ADARB2: variants seen among roughly 807,000 people sequenced by gnomAD.
ADARB2 encodes the protein adenosine deaminase RNA specific B2 (inactive).
A neutral mutation model predicts 62.2 loss-of-function variants in ADARB2; 25 were observed. The observed-to-expected ratio is 0.40, with a 90% confidence interval of 0.29 to 0.56. The LOEUF is 0.56. ADARB2 is among the 20% of genes least tolerant of loss of function. The pLI, the probability that ADARB2 is intolerant of heterozygous loss-of-function variation, is 0.43. For missense variants in ADARB2, 1,071 were observed against 1,077.4 expected, an observed-to-expected ratio of 0.99 and a Z score of 0.08; for synonymous variants, 572 against 500.8, an observed-to-expected ratio of 1.14 and a Z score of -1.90.
At chr10:1,436,782 C>T (rs1830839243) in intron 1 of ADARB2, among the ~76,000 whole-genome samples, 2 of 152,152 alleles carry the variant, frequency 1.3e-5, no homozygotes, top group Admixed American at 6.5e-5. Flanking sequence ...TCAGCTGCTC[C>T]TTGTAACCCT....
chr10:1,662,506 C>T (rs961983668), intron 1 of ADARB2, among the ~76,000 whole-genome samples: 2 of 152,148 alleles, frequency 1.3e-5, no homozygotes, highest in Non-Finnish European at 2.9e-5. Context: ...CCACGTGGGC[C>T]CAGACTTCTG....
At chr10:1,288,944 A>G (rs1351540261) in intron 3 of ADARB2, among the ~76,000 whole-genome samples, 2 of 152,206 alleles carry the variant, frequency 1.3e-5, no homozygotes, top group African/African-American at 2.4e-5. Context: ...TCCAGAGTTA[A>G]CCTGAAAAAC....
chr10:1,200,352 C>G (rs764355338), intron 7 of ADARB2: 2 of 661,252 alleles, frequency 3.0e-6, no homozygotes, highest in South Asian at 1.7e-5. Flanking sequence ...GCTCCACAGG[C>G]CCATGTGTGC....
At chr10:1,220,249 G>GTGGTGGTGA (rs1830679819) in intron 6 of ADARB2, among the ~76,000 whole-genome samples, 1 of 139,332 alleles carries the variant, frequency 7.2e-6, no homozygotes, top group Admixed American at 7.4e-5. Flanking sequence ...GATAATGGTG[G>GTGGTGGTGA]TGGTGGTGAT....
At position 1,177,571 on chromosome 10, in the gene ADARB2, G is replaced by A. The variant is rs1041969838; in HGVS notation, c.*5622C>T. On this transcript the variant is annotated 3_prime_UTR_variant, in exon 10 of 10. Transcript: ENST00000381312. ...TGCTTACAAAATGCTGAAAACTAAC[G>A]GGGCACACTGGGAGAGATTTTTTTT... The A allele has an allele frequency of 1.4e-5, 2 of 144,850 alleles. No homozygotes were observed. Among genetic ancestry groups the A allele is most frequent in the Non-Finnish European group, 3.0e-5 (2 of 66,546 alleles). The allele number at this position is 144,850 out of a possible 1,614,324, so 9.0% of individuals were successfully genotyped here.
At chr10:1,439,490 T>C (rs1830876366) in intron 1 of ADARB2, among the ~76,000 whole-genome samples, 1 of 140,140 alleles carries the variant, frequency 7.1e-6, no homozygotes, top group African/African-American at 2.7e-5. Flanking sequence ...ACGGGGCTTC[T>C]GAGTCTCTCC....
chr10:1,304,067 G>T (rs1289038591), intron 3 of ADARB2, among the ~76,000 whole-genome samples: 1 of 150,806 alleles, frequency 6.6e-6, no homozygotes. Flanking sequence ...CCAATTAAAA[G>T]ACACAGACTG....
intron 1 of ADARB2, among the ~76,000 whole-genome samples, chr10:1,392,331 A>T (rs1832577524): frequency 6.6e-6 from 1 of 152,178 alleles, no homozygotes; most frequent in Admixed American, 6.5e-5. Flanking sequence ...ACAATACTTC[A>T]GCCTCTGTTA....
chr10:1,594,777 CA>C (rs1833308303), intron 1 of ADARB2, among the ~76,000 whole-genome samples: 1 of 152,248 alleles, frequency 6.6e-6, no homozygotes, highest in East Asian at 1.9e-4. Flanking sequence ...CAGCCAGTGG[CA>C]TGATATCAGG....
rs914793139 is a variant in ADARB2, at chr10:1,675,888, C to T, written c.100+61163G>A. 11 of 760,192 alleles carry T rather than the reference C, an allele frequency of 1.4e-5. No homozygotes were observed. In the African/African-American group the frequency reaches 1.9e-4, roughly 13 times the overall value. The allele number at this position is 760,192 out of a possible 1,614,324, so 47.1% of individuals were successfully genotyped here. On this transcript the variant is annotated intron_variant, in intron 1 of 9. Coordinates refer to ENST00000381312, the MANE Select transcript of ADARB2 (RefSeq NM_018702.4). ...AGAGGCCAGCCTCAGCTCTGAGTGG[C>T]AGCTCAGAGGAAGGGGCTGCAGAGG...
rs530149883 is a variant in ADARB2 at position 1,603,525 on chromosome 10, G to C, written c.100+133526C>G. 2.6e-4 allele frequency among the ~76,000 whole-genome samples: 39 copies of C among 152,140 alleles called. No individual in the cohort carries two copies. The South Asian group carries it at 7.9e-3, about 31-fold the overall frequency. On this transcript the variant is annotated intron_variant, in intron 1 of 9. Transcript: ENST00000381312. ...CGTCTGAAATCACCCTGATTAGAAC[G>C]ATTTCCTTGGCCGAAGGAAGGCCTG...
intron 1 of ADARB2, among the ~76,000 whole-genome samples, chr10:1,641,421 A>T (rs1833976589): frequency 6.6e-6 from 1 of 152,264 alleles, no homozygotes. Flanking sequence ...AGGTCTAAAA[A>T]CCACATAGGC....
chr10:1,319,836 C>T (rs1232342419), intron 3 of ADARB2, among the ~76,000 whole-genome samples: 4 of 152,140 alleles, frequency 2.6e-5, no homozygotes, highest in Non-Finnish European at 4.4e-5. Context: ...GTTAGAGAGT[C>T]GCCATGTTGT....
At chr10:1,607,661 T>C (rs1180192704) in intron 1 of ADARB2, among the ~76,000 whole-genome samples, 1 of 152,106 alleles carries the variant, frequency 6.6e-6, no homozygotes, top group Non-Finnish European at 1.5e-5. Flanking sequence ...GCTGACACGA[T>C]GGGAACCCTA....
intron 4 of ADARB2, among the ~76,000 whole-genome samples, chr10:1,259,612 T>C (rs1831114484): frequency 6.6e-6 from 1 of 152,314 alleles, no homozygotes; most frequent in African/African-American, 2.4e-5. Context: ...AGAAGTTGAA[T>C]CTCTGAATAG....
intron 1 of ADARB2, among the ~76,000 whole-genome samples, chr10:1,677,776 C>A (rs1051804831): frequency 1.3e-5 from 2 of 152,228 alleles, no homozygotes; most frequent in Non-Finnish European, 2.9e-5. Flanking sequence ...TCGCAACACA[C>A]ACAGGCTGAA....
rs772067169 is a variant in ADARB2 at position 1,233,803 on chromosome 10, T to G, written c.1404A>C (p.Leu468Phe). 5.0e-6 allele frequency: 8 copies of G among 1,613,894 alleles called. No homozygotes were observed. In the Admixed American group the frequency reaches 1.2e-4, roughly 24 times the overall value. The change falls in exon 6 of 10, where the codon TTA (leucine) becomes TTC (phenylalanine). Residue 468 changes from leucine (L) to phenylalanine (F), a missense_variant. Transcript: ENST00000381312. ...EDSERSIFVR[L>F]KEGGYRLREN... is the part of the protein sequence containing the mutation. ...CTCGCAGCCGGTAGCCACCTTCTTT[T>G]AACCGCACGAATATCGATCGCTCTG...
intron 1 of ADARB2, among the ~76,000 whole-genome samples, chr10:1,590,568 C>A (rs1200706930): frequency 6.6e-6 from 1 of 152,204 alleles, no homozygotes; most frequent in African/African-American, 2.4e-5. Flanking sequence ...CATCGTGGTT[C>A]CCCTCTGGCC....
At chr10:1,633,549 C>CATATATCTATCTATCT (rs113694941) in intron 1 of ADARB2, among the ~76,000 whole-genome samples, 13 of 101,610 alleles carry the variant, frequency 1.3e-4, no homozygotes, top group South Asian at 3.5e-4. Flanking sequence ...GTCTATCTAT[C>CATATATCTATCTATCT]ATCTATCTAT....
Sources: allele counts gnomAD v4.1 joint callset (sites outside exome capture counted in the v4.1 genomes callset), GRCh38; gene constraint gnomAD v4.1.1; transcripts MANE v1.5; gene names NCBI Gene and HGNC (gene_info 2026-07-23, HGNC 2026-07-21).